The following EIF2S3 variants were observed in gnomAD, a reference collection of about 807,000 sequenced individuals.
EIF2S3 encodes the protein eukaryotic translation initiation factor 2 subunit 3.
In EIF2S3, 2 loss-of-function variants were observed where a neutral mutation model predicts 31.7. That is an observed-to-expected ratio of 0.06 (90% CI 0.03 to 0.20). EIF2S3 has a LOEUF of 0.20. EIF2S3 is among the 10% of genes least tolerant of loss of function. The pLI is 1.00. For synonymous variants in EIF2S3, 120 were observed against 126.7 expected, an observed-to-expected ratio of 0.95 and a Z score of 0.36; for missense variants, 96 against 359.3, an observed-to-expected ratio of 0.27 and a Z score of 5.92.
intron 9 of EIF2S3, among the ~76,000 whole-genome samples, chrX:24,069,118 A>G (rs1930622699): frequency 9.0e-6 from 1 of 111,684 alleles, no homozygotes; most frequent in African/African-American, 3.2e-5. Flanking sequence ...GCAGTGTCTC[A>G]TGCCTGTGAT....
At chrX:24,066,399 G>C (rs1388573435) in intron 8 of EIF2S3, among the ~76,000 whole-genome samples, 2 of 110,275 alleles carry the variant, frequency 1.8e-5, no homozygotes, top group South Asian at 3.8e-4. Flanking sequence ...TTTTGTGCCT[G>C]GCTTATTTTA....
rs776983136 is a variant in EIF2S3 at position 24,062,340 on chromosome X, C to G, written c.479-76C>G. 3.3e-4 allele frequency: 366 copies of G among 1,094,052 alleles called. 1 individual carries two copies. Among genetic ancestry groups the G allele is most frequent in the Middle Eastern group, 3.7e-4 (1 of 2,719 alleles). 90.2% of individuals were successfully genotyped at this position (1,094,052 alleles called of 1,213,427 possible). A position where few individuals can be genotyped will look rare whatever the true frequency, so the allele number is the denominator to read the frequency against. On this transcript the variant is annotated intron_variant, in intron 5 of 11. Transcript: ENST00000253039. ...TTGCAACCCATAATTTGCTTTGTCTCTTTATGGATTTGCCCGCCTATTCTG... is the reference window on the plus strand; with the variant it reads ...TTGCAACCCATAATTTGCTTTGTCTGTTTATGGATTTGCCCGCCTATTCTG...
chrX:24,063,614 T>C (rs187621854), intron 6 of EIF2S3, among the ~76,000 whole-genome samples: 42 of 110,719 alleles, frequency 3.8e-4, no homozygotes, highest in African/African-American at 1.3e-3. Context: ...ACTCTGTCAA[T>C]ACAAAAAATT....
At chrX:24,067,777 G>A (rs1930600986) in intron 8 of EIF2S3, among the ~76,000 whole-genome samples, 187 bp from the exon 9 acceptor site, 1 of 108,239 alleles carries the variant, frequency 9.2e-6, no homozygotes, top group Admixed American at 1.0e-4. Context: ...TAGTAGAGAC[G>A]GGGTTTCACT....
chrX:24,072,602 G>A (rs1930689117), intron 10 of EIF2S3, among the ~76,000 whole-genome samples: 1 of 111,719 alleles, frequency 9.0e-6, no homozygotes, highest in South Asian at 3.7e-4. Context: ...TTTAAAAAAT[G>A]TCCCAGATTA....
chrX:24,072,892 T>C (rs1000777537), intron 10 of EIF2S3, among the ~76,000 whole-genome samples, 199 bp from the exon 11 acceptor site: 1 of 111,959 alleles, frequency 8.9e-6, no homozygotes, highest in South Asian at 3.7e-4. Context: ...CCCTATTTTT[T>C]AAAGGTAGAT....
chrX:24,059,351 G>A (rs1930456109), intron 4 of EIF2S3, among the ~76,000 whole-genome samples: 1 of 111,798 alleles, frequency 8.9e-6, no homozygotes, highest in African/African-American at 3.2e-5. Context: ...TAAAAGTGCT[G>A]CCATCTCTGC....
chrX:24,068,346 T>A (rs1431420474), intron 9 of EIF2S3, among the ~76,000 whole-genome samples: 1 of 112,123 alleles, frequency 8.9e-6, no homozygotes, highest in South Asian at 3.6e-4. Flanking sequence ...GAGTAACTCC[T>A]TTTTAGCAAT....
chrX:24,072,022 C>A (rs986763091), intron 10 of EIF2S3, among the ~76,000 whole-genome samples: 4 of 108,723 alleles, frequency 3.7e-5, no homozygotes, highest in African/African-American at 1.3e-4. Flanking sequence ...ACTACAGGCA[C>A]GCACCAGCAC....
At chrX:24,065,908 T>A in intron 7 of EIF2S3, 90 bp from the exon 8 acceptor site, 1 of 802,473 alleles carries the variant, frequency 1.2e-6, no homozygotes, top group East Asian at 3.2e-5. Context: ...AAATCTCAAA[T>A]GGCCACTATT....
At chrX:24,073,024 TCTTA>T (rs1734519046) in intron 10 of EIF2S3, 63 bp from the exon 11 acceptor site, 1 of 1,095,647 alleles carries the variant, frequency 9.1e-7, no homozygotes, top group East Asian at 3.0e-5. Context: ...TTTGGTAAAT[TCTTA>T]CTTACATTTG....
intron 4 of EIF2S3, among the ~76,000 whole-genome samples, chrX:24,058,655 C>T (rs1294960777): frequency 6.5e-5 from 7 of 108,065 alleles, no homozygotes; most frequent in Admixed American, 3.0e-4. Flanking sequence ...CCTCAGCCTC[C>T]CGAGTAGCTG....
chrX:24,064,852 T>C (rs781613530), intron 7 of EIF2S3, among the ~76,000 whole-genome samples: 2 of 111,940 alleles, frequency 1.8e-5, no homozygotes, highest in East Asian at 5.6e-4. Context: ...AAACAACTGC[T>C]AACCTTTCTG....
intron 9 of EIF2S3, among the ~76,000 whole-genome samples, chrX:24,069,500 G>A (rs768945887): frequency 1.8e-5 from 2 of 109,250 alleles, no homozygotes; most frequent in Admixed American, 2.0e-4. Context: ...CTTGAGACCA[G>A]GAGTTTGAGA....
At chrX:24,066,134 T>TTG (rs1555983940) in intron 8 of EIF2S3, 42 bp downstream of exon 8, 43 of 962,222 alleles carry the variant, frequency 4.5e-5, no homozygotes, top group African/African-American at 1.4e-4. Context: ...GTTTTTTTTT[T>TTG]TTGTTGTTTG....
chrX:24,072,480 G>A (rs1322281689), intron 10 of EIF2S3, among the ~76,000 whole-genome samples: 1 of 110,167 alleles, frequency 9.1e-6, no homozygotes, highest in Non-Finnish European at 1.9e-5. Context: ...ACGGAGTTTT[G>A]CCGCATTACC....
At chrX:24,065,759 G>A (rs911966606) in intron 7 of EIF2S3, among the ~76,000 whole-genome samples, 1 of 111,755 alleles carries the variant, frequency 8.9e-6, no homozygotes, top group African/African-American at 3.3e-5. Context: ...TAATAGCTGC[G>A]TGATGCTCTA....
intron 11 of EIF2S3, among the ~76,000 whole-genome samples, chrX:24,075,563 C>G (rs979228457): frequency 1.3e-4 from 15 of 111,349 alleles, no homozygotes; most frequent in Non-Finnish European, 2.4e-4. Flanking sequence ...TTAATAATTT[C>G]TAGAGTCTTC....
At chrX:24,065,636 TTTTA>T (rs1301919064) in intron 7 of EIF2S3, among the ~76,000 whole-genome samples, 6 of 111,772 alleles carry the variant, frequency 5.4e-5, no homozygotes, top group Non-Finnish European at 1.1e-4. Context: ...ACATTGATTA[TTTTA>T]TTTTTCTTTA....
Sources: allele counts gnomAD v4.1 joint callset (sites outside exome capture counted in the v4.1 genomes callset), GRCh38; gene constraint gnomAD v4.1.1; transcripts MANE v1.5; gene names NCBI Gene and HGNC (gene_info 2026-07-23, HGNC 2026-07-21).